Variants in SEPTIN5 observed in about 807,000 individuals in gnomAD.
SEPTIN5 encodes the protein septin 5.
In SEPTIN5, 16 loss-of-function variants were observed where a neutral mutation model predicts 51.2. That is an observed-to-expected ratio of 0.31 (90% confidence interval 0.21 to 0.47). The LOEUF (loss-of-function observed/expected upper bound fraction) is 0.47, where lower values mean the gene tolerates loss of function less well. Ranked by LOEUF, SEPTIN5 falls within the 20% of genes least tolerant of loss-of-function variation. The probability of loss-of-function intolerance (pLI) is 0.99; values close to 1 mark genes in which losing one functional copy is unlikely to be tolerated. For missense variants in SEPTIN5, 376 were observed against 500.3 expected, an observed-to-expected ratio of 0.75 and a Z score of 2.37; for synonymous variants, 208 against 191.2, an observed-to-expected ratio of 1.09 and a Z score of -0.72.
At chr22:19,716,720 C>T (rs1401832529) in intron 2 of SEPTIN5, among the ~76,000 whole-genome samples, 1 of 152,212 alleles carries the variant, frequency 6.6e-6, no homozygotes, top group Admixed American at 6.5e-5. Flanking sequence ...TCCCCAGAGG[C>T]TGTGCCTTAC....
chr22:19,721,674 C>T lies in SEPTIN5; in HGVS notation c.752C>T (p.Thr251Met). The T allele has an allele frequency of 6.2e-7, 1 of 1,612,762 alleles. No individual in the cohort carries two copies. The highest frequency in any genetic ancestry group is 8.5e-7 in the Non-Finnish European group (1 of 1,179,752). Residue 251 changes from threonine (T) to methionine (M), a missense_variant, in exon 9 of 12, where the codon ACG becomes ATG. Physicochemically the swap from Thr to Met is moderately conservative, Grantham distance 81. Coordinates refer to ENST00000455784, the MANE Select transcript of SEPTIN5 (RefSeq NM_002688.6). ...SAPFAVIGSN[T>M]VVEAKGQRVR... The stretch of plus-strand genomic sequence containing the variant: ...CCCTTCGCCGTTATAGGCAGCAACA[C>T]GGTGGTGGAGGCCAAGGGGCAGCGG...
chr22:19,714,645 C>CCGCG lies in SEPTIN5; in HGVS notation c.43+14_43+15insCGCG. The CCGCG allele has an allele frequency of 6.6e-7, 1 of 1,510,188 alleles. No individual in the cohort carries two copies. The highest frequency in any genetic ancestry group is 1.2e-5 in the South Asian group (1 of 81,532). The allele number at this position is 1,510,188 out of a possible 1,614,324, so 93.5% of individuals were successfully genotyped here. A position where few individuals can be genotyped will look rare whatever the true frequency, so the allele number is the denominator to read the frequency against. On this transcript the variant is annotated intron_variant, in intron 1 of 11. Transcript: ENST00000455784. The surrounding 1 kb of genome is among the most constrained non-coding windows in gnomAD (Gnocchi z 5.2). ...TGGCGACCCCAGGTGAGCCCAGCGC[C>CCGCG]TGCCCGCGTGCCCGCGCGCGCCTTT... is the stretch of plus-strand genomic sequence containing the variant.
chr22:19,720,493 C>A (rs1430887996), intron 6 of SEPTIN5, 39 bp downstream of exon 6: 1 of 1,613,350 alleles, frequency 6.2e-7, no homozygotes, highest in African/African-American at 1.3e-5. Flanking sequence ...GGAGTGCAGC[C>A]CCTACAATAT....
At chr22:19,718,420 C>T in intron 2 of SEPTIN5, 1 of 1,060,928 alleles carries the variant, frequency 9.4e-7, no homozygotes, top group Non-Finnish European at 1.1e-6. Flanking sequence ...TGCCGCCCCC[C>T]GCCGCGCGCT....
At chr22:19,721,606 A>C (rs770157261) in intron 8 of SEPTIN5, 34 bp from the exon 9 acceptor site, 2 of 1,610,462 alleles carry the variant, frequency 1.2e-6, no homozygotes, top group East Asian at 2.2e-5. Context: ...AATTACGCTC[A>C]CCGGGTGTGA....
intron 8 of SEPTIN5, 58 bp downstream of exon 8, chr22:19,720,927 G>A (rs917750629): frequency 1.4e-6 from 2 of 1,462,006 alleles, no homozygotes; most frequent in Admixed American, 1.7e-5. Flanking sequence ...CAGAACCAGA[G>A]GGCTTTGTCT....
In SEPTIN5 at chr22:19,722,298, G is replaced by C. The variant is rs2145793239; in HGVS notation, c.1012G>C (p.Asp338His). Reference sequence around the variant, plus strand: ...CCCGATCCTGCCGCTGCCCACCCCGGACGCCGAGACTGAGAAGCTTATCAG... The same window carrying C: ...CCCGATCCTGCCGCTGCCCACCCCGCACGCCGAGACTGAGAAGCTTATCAG... ...PIPILPLPTP[D>H]AETEKLIRMK... is the part of the protein sequence containing the mutation. The change falls in exon 11 of 12, where the codon GAC becomes CAC. Residue 338 changes from aspartate to histidine, a missense_variant. Asp to His is a moderately conservative substitution (Grantham distance 81). Around this residue, in one of 2 missense-constraint regions of SEPTIN5, gnomAD observed 89 missense variants for 83.3 expected, o/e 1.07. Coordinates refer to ENST00000455784, the MANE Select transcript of SEPTIN5 (RefSeq NM_002688.6). 3 of 1,611,682 alleles carry C rather than the reference G, an allele frequency of 1.9e-6. No individual in the cohort carries two copies. Among genetic ancestry groups the C allele is most frequent in the East Asian group, 4.5e-5 (2 of 44,852 alleles).
chr22:19,722,510 C>T lies in SEPTIN5; in HGVS notation c.*26C>T. 1 of 1,572,744 alleles carries T rather than the reference C, an allele frequency of 6.4e-7. No homozygotes were observed. The highest frequency in any genetic ancestry group is 8.6e-7 in the Non-Finnish European group (1 of 1,159,218). On this transcript the variant is annotated 3_prime_UTR_variant, in exon 12 of 12. Coordinates refer to ENST00000455784, the MANE Select transcript of SEPTIN5 (RefSeq NM_002688.6). ...CGCTCGCCGCGGACACACCGTCCGT[C>T]TCCGGGACGCCCTCGCACCCCTGGA...
Position 19,714,650 on chromosome 22 carries a change from C to T in SEPTIN5, c.43+19C>T. 6.6e-7 allele frequency: 1 copy of T among 1,511,838 alleles called. No individual in the cohort carries two copies. 93.7% of individuals were successfully genotyped at this position (1,511,838 alleles called of 1,614,324 possible). The stretch of plus-strand genomic sequence containing the variant: ...ACCCCAGGTGAGCCCAGCGCCTGCC[C>T]GCGTGCCCGCGCGCGCCTTTGTCCC... On this transcript the variant is annotated intron_variant, in intron 1 of 11. Coordinates refer to ENST00000455784, the MANE Select transcript of SEPTIN5 (RefSeq NM_002688.6). The surrounding 1 kb of genome is among the most constrained non-coding windows in gnomAD (Gnocchi z 5.2).
chr22:19,721,288 C>A (rs924195323), intron 8 of SEPTIN5, among the ~76,000 whole-genome samples: 1 of 151,810 alleles, frequency 6.6e-6, no homozygotes, highest in African/African-American at 2.4e-5. Context: ...ATGATGGAGA[C>A]CATGCCAGGG....
rs1936072829 is a variant in SEPTIN5 at position 19,722,705 on chromosome 22, G to A, written c.*221G>A. 1 of 593,098 alleles carries A rather than the reference G, an allele frequency of 1.7e-6. No individual in the cohort carries two copies. The allele number at this position is 593,098 out of a possible 1,614,324, so 36.7% of individuals were successfully genotyped here. On this transcript the variant is annotated 3_prime_UTR_variant, in exon 12 of 12. Coordinates refer to ENST00000455784, the MANE Select transcript of SEPTIN5 (RefSeq NM_002688.6). ...CTGACCTTGGGGGATCAGGAGCGAA[G>A]TTGGGCGGGACTTCAGAGATCCGCC...
intron 2 of SEPTIN5, among the ~76,000 whole-genome samples, chr22:19,715,042 T>C (rs769329581): frequency 6.6e-6 from 1 of 152,058 alleles, no homozygotes; most frequent in Non-Finnish European, 1.5e-5. Context: ...ATGGGCAGAG[T>C]GTCCCCCTCC....
chr22:19,714,813 C>T lies in SEPTIN5; in HGVS notation c.54+22C>T. ...GCAGGTACGTGCGCAGCGCCGCTCCCCCGCCGGGAGACCCGGCCGGCTGTC... is the reference window on the plus strand; with the variant it reads ...GCAGGTACGTGCGCAGCGCCGCTCCTCCGCCGGGAGACCCGGCCGGCTGTC... On this transcript the variant is annotated intron_variant, in intron 2 of 11. Transcript: ENST00000455784. The surrounding 1 kb of genome is among the most constrained non-coding windows in gnomAD (Gnocchi z 5.2). 6.3e-7 allele frequency: 1 copy of T among 1,594,138 alleles called. No homozygotes were observed. The highest frequency in any genetic ancestry group is 1.1e-5 in the South Asian group (1 of 90,048).
Position 19,714,865 on chromosome 22 carries a change from C to T in SEPTIN5, c.54+74C>T. 6.6e-7 allele frequency: 1 copy of T among 1,518,504 alleles called. No individual in the cohort carries two copies. Among genetic ancestry groups the T allele is most frequent in the South Asian group, 1.2e-5 (1 of 84,492 alleles). The allele number at this position is 1,518,504 out of a possible 1,614,324, so 94.1% of individuals were successfully genotyped here. A position where few individuals can be genotyped will look rare whatever the true frequency, so the allele number is the denominator to read the frequency against. ...CCCATTGTGACACTAGCGCCTTGGG[C>T]GCCCAGGCGCGACCCCGCCCCCGCC... On this transcript the variant is annotated intron_variant, in intron 2 of 11. Transcript: ENST00000455784. This position sits in a 1 kb window ranked among gnomAD's most constrained non-coding sequence, Gnocchi z 5.2.
At position 19,720,889 on chromosome 22, in the gene SEPTIN5, G is replaced by A. The variant is rs370324587; in HGVS notation, c.717+20G>A. The A allele has an allele frequency of 2.6e-5, 41 of 1,601,602 alleles. No homozygotes were observed. In the African/African-American group the frequency reaches 5.0e-4, roughly 19 times the overall value. ...CTGAAGGTGAACATGCAGACTGGTG[G>A]GGCAGGGGGGATGGAGCTGGTGAGG... On this transcript the variant is annotated intron_variant, in intron 8 of 11. Coordinates refer to ENST00000455784, the MANE Select transcript of SEPTIN5 (RefSeq NM_002688.6).
intron 11 of SEPTIN5, 22 bp from the exon 12 acceptor site, chr22:19,722,406 G>A: frequency 6.3e-7 from 1 of 1,595,772 alleles, no homozygotes. Context: ...CTGCTCACCC[G>A]CCGGGTTGTC....
chr22:19,722,069 A>G, intron 10 of SEPTIN5, 112 bp downstream of exon 10: 4 of 1,340,074 alleles, frequency 3.0e-6, no homozygotes, highest in Non-Finnish European at 4.1e-6. Context: ...ACCATTCCCT[A>G]AGCCCCCCCC....
chr22:19,719,147 G>A, intron 2 of SEPTIN5: 1 of 243,170 alleles, frequency 4.1e-6, no homozygotes. Context: ...CACCGCCGCT[G>A]CCGCCGCCCC....
In SEPTIN5 at chr22:19,719,135, G is replaced by A. The variant is rs1037335007; in HGVS notation, c.55-467G>A. ...GCGGTCTATAAATAGGCGCTGCTCCGCCACCGCCGCTGCCGCCGCCCCCGC... is the reference window on the plus strand; with the variant it reads ...GCGGTCTATAAATAGGCGCTGCTCCACCACCGCCGCTGCCGCCGCCCCCGC... On this transcript the variant is annotated intron_variant, in intron 2 of 11. Transcript: ENST00000455784. 36 of 253,586 alleles carry A rather than the reference G, an allele frequency of 1.4e-4. No homozygotes were observed. In the East Asian group the frequency reaches 2.4e-3, roughly 17 times the overall value. The allele number at this position is 253,586 out of a possible 1,614,324, so 15.7% of individuals were successfully genotyped here.
Sources: gnomAD v4.1 joint callset for allele counts (sites outside exome capture counted in the v4.1 genomes callset) on GRCh38, gnomAD v4.1.1 for gene constraint, gnomAD v4.1.1 regional missense constraint, Gnocchi (gnomAD v3.1) non-coding constraint, MANE v1.5 for transcripts, NCBI Gene and HGNC (gene_info 2026-07-23, HGNC 2026-07-21) for gene names.